The following CELF1 variants were observed in gnomAD, a reference collection of about 807,000 sequenced individuals.
CELF1 encodes the protein CUGBP Elav-like family member 1, also known as 50 kDa nuclear polyadenylated RNA-binding protein.
Under a neutral mutation model 61.8 loss-of-function variants are expected in CELF1, and 10 were observed. That is an observed-to-expected ratio of 0.16 (90% CI 0.10 to 0.27). CELF1 has a LOEUF of 0.27. Among genes scored for constraint, CELF1 ranks in the 10% least tolerant of loss-of-function variants. The pLI is 1.00. For missense variants in CELF1, 380 were observed against 639.1 expected (o/e 0.59, Z 4.37); for synonymous variants, 236 against 225.1 (o/e 1.05, Z -0.43).
In CELF1 at chr11:47,483,571, T is replaced by C. The variant is rs370094011; in HGVS notation, c.527-39A>G. 42 of 1,493,410 alleles carry C rather than the reference T, an allele frequency of 2.8e-5. No individual in the cohort carries two copies. In the African/African-American group the frequency reaches 4.8e-4, roughly 17 times the overall value. The allele number at this position is 1,493,410 out of a possible 1,614,324, so 92.5% of individuals were successfully genotyped here. A position where few individuals can be genotyped will look rare whatever the true frequency, so the allele number is the denominator to read the frequency against. On this transcript the variant is annotated intron_variant, in intron 7 of 14. Transcript: ENST00000687097. ...AGTCAGTAACTCATGCATTCATTTA[T>C]TTCTCTGACAAACATTAACTGAGCA...
chr11:47,497,557 C>T (rs536978896), intron 3 of CELF1, among the ~76,000 whole-genome samples: 3 of 152,348 alleles, frequency 2.0e-5, no homozygotes, highest in African/African-American at 4.8e-5. Context: ...CAATGGCCTA[C>T]GCCCAGGCAC....
chr11:47,537,264 T>C (rs888813445), intron 1 of CELF1, among the ~76,000 whole-genome samples: 11 of 137,978 alleles, frequency 8.0e-5, no homozygotes, highest in African/African-American at 3.1e-4. Flanking sequence ...TTTTTTTTTT[T>C]TGGGACAGAG....
intron 2 of CELF1, among the ~76,000 whole-genome samples, chr11:47,561,864 A>G (rs2097226648): frequency 6.6e-6 from 1 of 152,164 alleles, no homozygotes; most frequent in East Asian, 1.9e-4. Context: ...GATACTTGCT[A>G]CAACATGGAC....
chr11:47,471,997 C>T lies in CELF1; in HGVS notation c.*233G>A. The stretch of plus-strand genomic sequence containing the variant: ...ACAAAAAAAACCTCAGGATATGGCA[C>T]CTAAACTCCAAAGTAAAACACTGGA... On this transcript the variant is annotated 3_prime_UTR_variant, in exon 15 of 15. Coordinates refer to ENST00000687097, the MANE Select transcript of CELF1 (RefSeq NM_001376376.1). The T allele has an allele frequency of 2.1e-6, 1 of 485,786 alleles. No homozygotes were observed. Among genetic ancestry groups the T allele is most frequent in the Non-Finnish European group, 3.7e-6 (1 of 270,556 alleles). 30.1% of individuals were successfully genotyped at this position (485,786 alleles called of 1,614,324 possible).
At chr11:47,547,691 A>G (rs895956005) in intron 1 of CELF1, among the ~76,000 whole-genome samples, 2 of 151,808 alleles carry the variant, frequency 1.3e-5, no homozygotes, top group Non-Finnish European at 2.9e-5. Flanking sequence ...AAAGAAAAAA[A>G]AAAGGAAATT....
At chr11:47,546,909 T>C (rs2096966987) in intron 1 of CELF1, among the ~76,000 whole-genome samples, 1 of 151,318 alleles carries the variant, frequency 6.6e-6, no homozygotes, top group African/African-American at 2.4e-5. Flanking sequence ...CTACTAAAAA[T>C]ACAAAAAATT....
At chr11:47,545,897 G>GTGTGTGTATATATA (rs1555191618) in intron 1 of CELF1, among the ~76,000 whole-genome samples, 53 of 127,588 alleles carry the variant, frequency 4.2e-4, no homozygotes, top group South Asian at 1.2e-3. Flanking sequence ...GTGTGTGTGT[G>GTGTGTGTATATATA]TGTGTGTGTA....
intron 13 of CELF1, among the ~76,000 whole-genome samples, chr11:47,473,643 G>C (rs1202914089): frequency 1.3e-5 from 2 of 152,204 alleles, no homozygotes; most frequent in Non-Finnish European, 2.9e-5. Context: ...CAGATTGGTA[G>C]TTGCCAGATG....
At chr11:47,526,842 G>A (rs2096261833) in intron 1 of CELF1, among the ~76,000 whole-genome samples, 1 of 152,108 alleles carries the variant, frequency 6.6e-6, no homozygotes, top group Admixed American at 6.5e-5. Flanking sequence ...CCTGAGGTCA[G>A]GAGTTCAAGA....
At chr11:47,517,493 T>A (rs1232229725) in intron 1 of CELF1, among the ~76,000 whole-genome samples, 1 of 152,134 alleles carries the variant, frequency 6.6e-6, no homozygotes, top group African/African-American at 2.4e-5. Context: ...ATAAGGCAGC[T>A]AACTGATCAA....
intron 1 of CELF1, among the ~76,000 whole-genome samples, chr11:47,503,968 A>C (rs1053287927): frequency 6.6e-6 from 1 of 151,364 alleles, no homozygotes; most frequent in Non-Finnish European, 1.5e-5. Context: ...CAAGCCCAGG[A>C]GTTTGAGACT....
intron 1 of CELF1, among the ~76,000 whole-genome samples, chr11:47,534,633 C>T (rs1022721801): frequency 6.6e-5 from 10 of 152,056 alleles, no homozygotes; most frequent in African/African-American, 2.4e-4. Flanking sequence ...GAGGCTGAGG[C>T]AGGAGAATGG....
rs1238697399 is a variant in CELF1 at position 47,499,452 on chromosome 11, C to T, written c.71+1G>A. ...AAAAATTAGACAACAAAAATACTTACACGGGACTGGAATTCAAAGAGCAAT... is the reference window on the plus strand; with the variant it reads ...AAAAATTAGACAACAAAAATACTTATACGGGACTGGAATTCAAAGAGCAAT... On this transcript the variant is annotated splice_donor_variant, in intron 3 of 14. Coordinates refer to ENST00000687097, the MANE Select transcript of CELF1 (RefSeq NM_001376376.1). LOFTEE classifies it high-confidence loss of function. 1.3e-6 allele frequency: 2 copies of T among 1,535,086 alleles called. No homozygotes were observed. Among genetic ancestry groups the T allele is most frequent in the Admixed American group, 3.9e-5 (2 of 50,980 alleles).
At chr11:47,478,837 C>A (rs758193671) in intron 10 of CELF1, 40 bp downstream of exon 10, 1 of 1,524,382 alleles carries the variant, frequency 6.6e-7, no homozygotes, top group Non-Finnish European at 9.0e-7. Flanking sequence ...GGTCTGCTGG[C>A]CTGGGTGCTG....
intron 1 of CELF1, among the ~76,000 whole-genome samples, chr11:47,551,557 G>T (rs2097137355): frequency 6.6e-6 from 1 of 152,168 alleles, no homozygotes; most frequent in Non-Finnish European, 1.5e-5. Context: ...AACAGAAAGG[G>T]TGATTCTATA....
At chr11:47,516,711 C>G (rs2095575479) in intron 1 of CELF1, among the ~76,000 whole-genome samples, 1 of 151,958 alleles carries the variant, frequency 6.6e-6, no homozygotes, top group Non-Finnish European at 1.5e-5. Flanking sequence ...AGCAATTTTC[C>G]TGCCTCAGCC....
intron 3 of CELF1, chr11:47,494,569 T>C: frequency 1.2e-6 from 1 of 853,244 alleles, no homozygotes. Flanking sequence ...CTCCTTTCTT[T>C]TCCCCTCTCA....
chr11:47,551,157 C>T (rs2097127567), intron 1 of CELF1, among the ~76,000 whole-genome samples: 1 of 152,166 alleles, frequency 6.6e-6, no homozygotes, highest in African/African-American at 2.4e-5. Context: ...AACAGCCCCT[C>T]TTGCTACCAG....
At chr11:47,483,261 T>C (rs1241662327) in intron 8 of CELF1, among the ~76,000 whole-genome samples, 192 bp downstream of exon 8, 1 of 151,932 alleles carries the variant, frequency 6.6e-6, no homozygotes, top group African/African-American at 2.4e-5. Flanking sequence ...TAAGACCCCA[T>C]CTCAAAAAAA....
Sources: allele counts gnomAD v4.1 joint callset (sites outside exome capture counted in the v4.1 genomes callset), GRCh38; gene constraint gnomAD v4.1.1; transcripts MANE v1.5; gene names NCBI Gene and HGNC (gene_info 2026-07-23, HGNC 2026-07-21).